Variants in DCST2 observed in about 807,000 individuals in gnomAD.
DCST2 encodes the protein DC-STAMP domain-containing protein 2.
In DCST2, 64 loss-of-function variants were observed where a neutral mutation model predicts 81.8. That is an observed-to-expected ratio of 0.78 (90% CI 0.64 to 0.96). DCST2 has a LOEUF of 0.96. Among genes scored for constraint, DCST2 ranks in the 40% least tolerant of loss-of-function variants. The pLI is 0.00. For synonymous variants in DCST2, 354 were observed against 402.6 expected, an observed-to-expected ratio of 0.88 and a Z score of 1.44; for missense variants, 945 against 1,001.4, an observed-to-expected ratio of 0.94 and a Z score of 0.76.
At position 155,031,569 on chromosome 1, in the gene DCST2, C is replaced by T; in HGVS notation, c.739+5G>A. On this transcript the variant is annotated splice_donor_5th_base_variant and intron_variant, in intron 4 of 14. Coordinates refer to ENST00000368424, the MANE Select transcript of DCST2 (RefSeq NM_144622.3). ...CTCCCCGCTGGCAGACCCTGGTTTT[C>T]TCACGGCTGGCAAGTCCACAGAGCG... 7.6e-7 allele frequency: 1 copy of T among 1,315,282 alleles called. No homozygotes were observed. Among genetic ancestry groups the T allele is most frequent in the Non-Finnish European group, 1.0e-6 (1 of 995,888 alleles). 81.5% of individuals were successfully genotyped at this position (1,315,282 alleles called of 1,614,324 possible). A position where few individuals can be genotyped will look rare whatever the true frequency, so the allele number is the denominator to read the frequency against.
At chr1:155,020,129 C>T (rs1659709190) in intron 14 of DCST2, among the ~76,000 whole-genome samples, 1 of 152,298 alleles carries the variant, frequency 6.6e-6, no homozygotes, top group South Asian at 2.1e-4. Flanking sequence ...GCCCAAACCT[C>T]CCTCCCCAAC....
At chr1:155,028,528 G>C (rs12404174) in intron 8 of DCST2, among the ~76,000 whole-genome samples, 63,409 of 150,904 alleles carry the variant, frequency 0.42, 14,235 homozygotes, top group East Asian at 0.87. Context: ...AGATTGTAGT[G>C]AGCCAAGATT....
At chr1:155,028,675 C>T (rs1047629970) in intron 8 of DCST2, among the ~76,000 whole-genome samples, 1 of 151,026 alleles carries the variant, frequency 6.6e-6, no homozygotes, top group African/African-American at 2.4e-5. Flanking sequence ...GAGATCAACA[C>T]CATCCTGGCC....
chr1:155,024,532 G>C lies in DCST2; in HGVS notation c.1682C>G (p.Ser561Ter), dbSNP rs1285666390. Residue 561 changes from serine to a stop codon, truncating the protein, a stop_gained, in exon 11 of 15, where the codon TCA becomes TGA. Transcript: ENST00000368424. LOFTEE classifies it high-confidence loss of function. ...CTGGTCAGCCGCCCGCCGCCTCACT[G>C]ATCGGTGCAGGGCAGCCAACAGATT... ...RTNLLAALHR[S>*]VRRRAADQGH... is the part of the protein sequence containing the mutation. 1 of 1,610,126 alleles carries C rather than the reference G, an allele frequency of 6.2e-7. No individual in the cohort carries two copies. The highest frequency in any genetic ancestry group is 8.5e-7 in the Non-Finnish European group (1 of 1,178,192).
intron 14 of DCST2, among the ~76,000 whole-genome samples, chr1:155,020,630 G>A (rs1360190691): frequency 6.6e-6 from 1 of 152,016 alleles, no homozygotes; most frequent in East Asian, 1.9e-4. Flanking sequence ...GCCTCCCAAA[G>A]TGCTAGGATT....
At chr1:155,032,342 CTGGAT>C (rs1378664182) in intron 3 of DCST2, among the ~76,000 whole-genome samples, 1 of 150,960 alleles carries the variant, frequency 6.6e-6, no homozygotes, top group Non-Finnish European at 1.5e-5. Context: ...GTCACCCAGG[CTGGAT>C]TGGAGTACAG....
chr1:155,030,168 G>A lies in DCST2; in HGVS notation c.1093C>T (p.Arg365Cys), dbSNP rs747961590. The change falls in exon 7 of 15, where the codon CGC becomes TGC. Residue 365 changes from arginine to cysteine, a missense_variant. By Grantham distance (180) the Arg-to-Cys change is radical. Coordinates refer to ENST00000368424, the MANE Select transcript of DCST2 (RefSeq NM_144622.3). ...DNIYITSRFLRMEAVRSTAGL... is the reference protein window; with the variant it reads ...DNIYITSRFLCMEAVRSTAGL... ...GCCGTGGAGCGCACAGCCTCCATGC[G>A]CAGGAATCGGCTAGTGATGTAGATA... 2.0e-5 allele frequency: 33 copies of A among 1,614,052 alleles called. No individual in the cohort carries two copies. The East Asian group carries it at 3.3e-4, about 16-fold the overall frequency.
chr1:155,020,647 G>GT (rs1425105738), intron 14 of DCST2, among the ~76,000 whole-genome samples: 1 of 152,062 alleles, frequency 6.6e-6, no homozygotes, highest in Non-Finnish European at 1.5e-5. Flanking sequence ...GATTACAGGC[G>GT]TGAGCCACCA....
intron 12 of DCST2, 64 bp from the exon 13 acceptor site, chr1:155,023,521 G>T (rs185573415): frequency 2.1e-5 from 33 of 1,550,684 alleles, no homozygotes; most frequent in East Asian, 4.9e-5. Context: ...TGTGCTTCCT[G>T]GTTGCCAGCC....
chr1:155,027,461 T>C (rs1053371930), intron 8 of DCST2, among the ~76,000 whole-genome samples: 4 of 149,668 alleles, frequency 2.7e-5, no homozygotes, highest in Non-Finnish European at 5.9e-5. Flanking sequence ...AAACATTTAT[T>C]GGCTGAGCAC....
chr1:155,033,045 G>T, intron 2 of DCST2, 49 bp downstream of exon 2: 2 of 1,483,324 alleles, frequency 1.3e-6, no homozygotes, highest in Non-Finnish European at 1.8e-6. Flanking sequence ...GCAGGATGAG[G>T]GGGGCGAGGG....
chr1:155,024,202 T>A (rs190287439), intron 11 of DCST2, among the ~76,000 whole-genome samples: 48 of 152,278 alleles, frequency 3.2e-4, no homozygotes, highest in African/African-American at 1.2e-3. Context: ...TAATGCTAAA[T>A]GATGAGTTAA....
At chr1:155,026,274 G>T in intron 10 of DCST2, 28 bp downstream of exon 10, 1 of 1,611,150 alleles carries the variant, frequency 6.2e-7, no homozygotes. Context: ...AGGGGGCAGG[G>T]ACTAGCTCCC....
In DCST2 at chr1:155,029,406, G is replaced by C; in HGVS notation, c.1178-9C>G. On this transcript the variant is annotated splice_polypyrimidine_tract_variant and intron_variant, in intron 7 of 14. Coordinates refer to ENST00000368424, the MANE Select transcript of DCST2 (RefSeq NM_144622.3). The stretch of plus-strand genomic sequence containing the variant: ...GGACAAGAAGATGGAGCCTGAGCAG[G>C]AGTGGGATGGTCAGGAGGATGCTCC... 6.2e-7 allele frequency: 1 copy of C among 1,613,090 alleles called. No homozygotes were observed. The highest frequency in any genetic ancestry group is 8.5e-7 in the Non-Finnish European group (1 of 1,179,410).
At chr1:155,030,882 G>C in intron 5 of DCST2, 1 of 607,038 alleles carries the variant, frequency 1.6e-6, no homozygotes, top group Middle Eastern at 4.4e-4. Flanking sequence ...TGCCCCTAAG[G>C]AATGATCTTG....
chr1:155,025,470 A>G (rs1287763473), intron 10 of DCST2, among the ~76,000 whole-genome samples: 1 of 151,958 alleles, frequency 6.6e-6, no homozygotes, highest in Non-Finnish European at 1.5e-5. Flanking sequence ...CTGGGACTAC[A>G]GGCACGTGCC....
chr1:155,033,489 T>A lies in DCST2; in HGVS notation c.213A>T (p.Gly71=), dbSNP rs968737381. The change falls in exon 1 of 15, where the codon GGA becomes GGT. Residue 71 remains glycine, a synonymous_variant. Coordinates refer to ENST00000368424, the MANE Select transcript of DCST2 (RefSeq NM_144622.3). ...TLAAFLSLGM[G]FSRQVRATVL... is the part of the protein sequence containing the mutation. ...CAGTGGCTCGGACCTGGCGAGAGAATCCCATGCCCAGGCTAAGGAAGGCAG... is the reference window on the plus strand; with the variant it reads ...CAGTGGCTCGGACCTGGCGAGAGAAACCCATGCCCAGGCTAAGGAAGGCAG... 9 of 1,613,676 alleles carry A rather than the reference T, an allele frequency of 5.6e-6. No individual in the cohort carries two copies. In the African/African-American group the frequency reaches 1.2e-4, roughly 22 times the overall value.
At position 155,026,654 on chromosome 1, in the gene DCST2, G is replaced by T. The variant is rs779656157; in HGVS notation, c.1404C>A (p.Asp468Glu). ...GTGYAGNIYR[D>E]LVSAFDVLQQ... ...GCAGGACATCAAATGCTGACACCAG[G>T]TCACGATAAATATTCCCAGCGTAGC... Residue 468 changes from aspartate (D) to glutamate (E), a missense_variant, in exon 9 of 15, where the codon GAC (aspartate) becomes GAA (glutamate). Physicochemically the swap from Asp to Glu is conservative, Grantham distance 45. Transcript: ENST00000368424. 2 of 1,614,200 alleles carry T rather than the reference G, an allele frequency of 1.2e-6. No homozygotes were observed. Among genetic ancestry groups the T allele is most frequent in the Admixed American group, 3.3e-5 (2 of 60,036 alleles).
rs756462435 is a variant in DCST2, at chr1:155,018,580, G to C, written c.2286C>G (p.Pro762=). The change falls in exon 15 of 15, where the codon CCC becomes CCG. Residue 762 remains proline, a synonymous_variant. Transcript: ENST00000368424. ...GTGGGTGGGAAGGATCAGGAAGAGA[G>C]GGAGGTGAGAGAGGGACTGAGGGTT... is the stretch of plus-strand genomic sequence containing the variant. ...ASEPSVPLSP[P]SLPDPSHPPP... 1.2e-6 allele frequency: 2 copies of C among 1,613,736 alleles called. No homozygotes were observed. The highest frequency in any genetic ancestry group is 1.7e-6 in the Non-Finnish European group (2 of 1,179,824).
Sources: allele counts gnomAD v4.1 joint callset (sites outside exome capture counted in the v4.1 genomes callset), GRCh38; gene constraint gnomAD v4.1.1; transcripts MANE v1.5; gene names NCBI Gene and HGNC (gene_info 2026-07-23, HGNC 2026-07-21).